UTRN: variants seen among roughly 807,000 people sequenced by gnomAD.
UTRN encodes the protein dystrophin-related protein 1.
A neutral mutation model predicts 463.9 loss-of-function variants in UTRN; 283 were observed. That is an observed-to-expected ratio of 0.61 (90% CI 0.55 to 0.67). UTRN has a LOEUF of 0.67. UTRN is among the 30% of genes least tolerant of loss of function. The probability of loss-of-function intolerance (pLI) is 0.00; values close to 1 mark genes in which losing one functional copy is unlikely to be tolerated. For synonymous variants in UTRN, 1,442 were observed against 1,431.5 expected (o/e 1.01, Z -0.17); for missense variants, 3,922 against 4,084.3 (o/e 0.96, Z 1.08).
At chr6:144,530,323 T>G (rs1049915902) in intron 41 of UTRN, among the ~76,000 whole-genome samples, 1 of 152,202 alleles carries the variant, frequency 6.6e-6, no homozygotes, top group Non-Finnish European at 1.5e-5. Context: ...CCACCTATTA[T>G]AAGGACACCA....
intron 2 of UTRN, among the ~76,000 whole-genome samples, chr6:144,380,886 A>T (rs1039530270): frequency 6.6e-6 from 1 of 152,068 alleles, no homozygotes; most frequent in Non-Finnish European, 1.5e-5. Flanking sequence ...TACAAAGAAG[A>T]TCTCTGATCT....
chr6:144,520,073 C>G (rs1003190786), intron 39 of UTRN, among the ~76,000 whole-genome samples: 1 of 152,142 alleles, frequency 6.6e-6, no homozygotes, highest in African/African-American at 2.4e-5. Flanking sequence ...GTTTTTTGGT[C>G]TTTTGGAAAA....
At chr6:144,358,276 A>G (rs1040944877) in intron 2 of UTRN, among the ~76,000 whole-genome samples, 2 of 152,236 alleles carry the variant, frequency 1.3e-5, no homozygotes, top group African/African-American at 2.4e-5. Flanking sequence ...ACTATGTGAC[A>G]GTCTAAATTA....
chr6:144,428,823 T>C lies in UTRN; in HGVS notation c.624T>C (p.Ile208=), dbSNP rs1283430418. Residue 208 remains isoleucine (I), a synonymous_variant, in exon 8 of 75, where the codon ATT becomes ATC. Coordinates refer to ENST00000367545, the MANE Select transcript of UTRN (RefSeq NM_007124.3). ...ATAAAGTTGTCAAAATGTCACCAATTGAGAGACTTGAACATGCCTTCAGCA... is the reference window on the plus strand; with the variant it reads ...ATAAAGTTGTCAAAATGTCACCAATCGAGAGACTTGAACATGCCTTCAGCA... ...SWDKVVKMSP[I]ERLEHAFSKA... 1 of 1,612,240 alleles carries C rather than the reference T, an allele frequency of 6.2e-7. No individual in the cohort carries two copies.
At chr6:144,575,271 C>A (rs1040293129) in intron 50 of UTRN, among the ~76,000 whole-genome samples, 1 of 151,790 alleles carries the variant, frequency 6.6e-6, no homozygotes, top group Admixed American at 6.6e-5. Flanking sequence ...AAAAAAAATG[C>A]CAAAAAGTAC....
intron 2 of UTRN, among the ~76,000 whole-genome samples, chr6:144,312,621 G>A (rs1017200824): frequency 6.6e-6 from 1 of 151,822 alleles, no homozygotes; most frequent in Admixed American, 6.6e-5. Flanking sequence ...CCCTTTTTCT[G>A]CTTCTTTATA....
intron 51 of UTRN, among the ~76,000 whole-genome samples, chr6:144,656,176 A>G (rs1272225359): frequency 6.6e-6 from 1 of 152,214 alleles, no homozygotes; most frequent in African/African-American, 2.4e-5. Flanking sequence ...GGATTAGTGA[A>G]CAATTTATTT....
At chr6:144,309,320 C>T (rs540706566) in intron 2 of UTRN, among the ~76,000 whole-genome samples, 5 of 152,332 alleles carry the variant, frequency 3.3e-5, no homozygotes, top group African/African-American at 9.6e-5. Flanking sequence ...CTAGCCCAGA[C>T]CTCTTCCTCT....
At chr6:144,736,344 G>A (rs1021038539) in intron 54 of UTRN, among the ~76,000 whole-genome samples, 7 of 152,110 alleles carry the variant, frequency 4.6e-5, no homozygotes, top group African/African-American at 1.7e-4. Context: ...GTGAGTATGT[G>A]ATGTGTACCA....
intron 62 of UTRN, 63 bp from the exon 63 acceptor site, chr6:144,793,771 A>T (rs1776968813): frequency 6.4e-7 from 1 of 1,564,698 alleles, no homozygotes; most frequent in Admixed American, 1.9e-5. Flanking sequence ...ATTACCAAAG[A>T]TATATTTTAA....
intron 43 of UTRN, among the ~76,000 whole-genome samples, chr6:144,534,739 A>G (rs1393666900): frequency 6.6e-6 from 1 of 152,224 alleles, no homozygotes; most frequent in Non-Finnish European, 1.5e-5. Flanking sequence ...GAAGAAAATG[A>G]TGAAAGAAAA....
chr6:144,298,475 T>G (rs1487573601), intron 2 of UTRN, among the ~76,000 whole-genome samples: 3 of 151,496 alleles, frequency 2.0e-5, no homozygotes, highest in African/African-American at 7.3e-5. Flanking sequence ...CAGAAGCACA[T>G]TCTCTTGGCC....
At chr6:144,650,497 T>C (rs1393940355) in intron 51 of UTRN, among the ~76,000 whole-genome samples, 2 of 152,248 alleles carry the variant, frequency 1.3e-5, no homozygotes. Context: ...TTGTCTACTA[T>C]ATGGTAGAGA....
In UTRN at chr6:144,514,685, G is replaced by A. The variant is rs774143313; in HGVS notation, c.5109G>A (p.Gln1703=). 6 of 1,614,012 alleles carry A rather than the reference G, an allele frequency of 3.7e-6. No homozygotes were observed. Among genetic ancestry groups the A allele is most frequent in the Non-Finnish European group, 5.1e-6 (6 of 1,180,018 alleles). Residue 1703 remains glutamine (Q), a synonymous_variant, in exon 37 of 75, where the codon CAG becomes CAA. Transcript: ENST00000367545. ...LVSELDDANL[Q]VENVRDQALI... is the part of the protein sequence containing the mutation. ...CTGAGCTGGATGATGCCAACCTCCA[G>A]GTTGAAAATGTCCGCGATCAAGCCC...
intron 54 of UTRN, among the ~76,000 whole-genome samples, chr6:144,732,277 T>TAC (rs1291563673): frequency 0.012 from 1,075 of 88,538 alleles, 19 homozygotes; most frequent in East Asian, 0.078. Flanking sequence ...TATATATATA[T>TAC]ACACACATAT....
chr6:144,563,693 TG>T (rs1221629373), intron 50 of UTRN, among the ~76,000 whole-genome samples: 1 of 152,228 alleles, frequency 6.6e-6, no homozygotes, highest in Non-Finnish European at 1.5e-5. Flanking sequence ...TGCTAGGATT[TG>T]ATTTTTAGTT....
intron 45 of UTRN, among the ~76,000 whole-genome samples, chr6:144,541,415 G>C (rs916778635): frequency 2.2e-4 from 34 of 152,278 alleles, no homozygotes; most frequent in African/African-American, 8.2e-4. Flanking sequence ...TTGTTAATTT[G>C]GGTGCACTAT....
At chr6:144,653,418 T>C (rs1363853333) in intron 51 of UTRN, among the ~76,000 whole-genome samples, 1 of 151,956 alleles carries the variant, frequency 6.6e-6, no homozygotes, top group South Asian at 2.1e-4. Flanking sequence ...ATCCCATCTC[T>C]ACTAAAAAAT....
At chr6:144,384,931 T>G (rs1247917425) in intron 2 of UTRN, among the ~76,000 whole-genome samples, 3 of 152,170 alleles carry the variant, frequency 2.0e-5, no homozygotes, top group African/African-American at 7.2e-5. Context: ...TGCATATGCT[T>G]TTTACTCAGA....
Sources: gnomAD v4.1 joint callset for allele counts (sites outside exome capture counted in the v4.1 genomes callset) on GRCh38, gnomAD v4.1.1 for gene constraint, MANE v1.5 for transcripts, NCBI Gene and HGNC (gene_info 2026-07-23, HGNC 2026-07-21) for gene names.